The following RAB2A variants were observed in gnomAD, a reference collection of about 807,000 sequenced individuals.
The protein encoded by RAB2A is RAB2A, member RAS oncogene family.
RAB2A carries 7 observed loss-of-function variants against 32.5 expected under a neutral mutation model. The observed-to-expected ratio is 0.22, with a 90% CI of 0.12 to 0.40. The LOEUF (loss-of-function observed/expected upper bound fraction) is 0.40. RAB2A is among the 10% of genes least tolerant of loss of function. The pLI, the probability that RAB2A is intolerant of heterozygous loss-of-function variation, is 1.00. For missense variants in RAB2A, 108 were observed against 260.7 expected, an observed-to-expected ratio of 0.41 and a Z score of 4.03; for synonymous variants, 79 against 85.2, an observed-to-expected ratio of 0.93 and a Z score of 0.40.
intron 6 of RAB2A, among the ~76,000 whole-genome samples, chr8:60,614,904 C>G (rs1052272502): frequency 2.0e-5 from 3 of 152,176 alleles, no homozygotes; most frequent in Non-Finnish European, 4.4e-5. Flanking sequence ...TTTACTGCAA[C>G]AGAGCACCGG....
intron 1 of RAB2A, among the ~76,000 whole-genome samples, chr8:60,546,372 G>A (rs887305204): frequency 2.6e-5 from 4 of 152,200 alleles, no homozygotes; most frequent in East Asian, 1.9e-4. Flanking sequence ...GAGTGTGTTC[G>A]AGGATGGGAG....
Position 60,612,672 on chromosome 8 carries a change from A to T in RAB2A, c.475-5908A>T, listed in dbSNP as rs541776415. Among the ~76,000 whole-genome samples, 38 of 152,328 alleles carry T rather than the reference A, an allele frequency of 2.5e-4. 1 individual carries two copies. The highest frequency in any genetic ancestry group is 4.7e-4 in the Non-Finnish European group (32 of 68,012). ...CTGTAATTATGTGTGGTCTTGGGCA[A>T]GTCGTTTCTCCTTTTGCAGCTCAGT... On this transcript the variant is annotated intron_variant, in intron 6 of 7. Transcript: ENST00000262646.
chr8:60,525,146 C>T, intron 1 of RAB2A, among the ~76,000 whole-genome samples: 1 of 152,122 alleles, frequency 6.6e-6, no homozygotes, highest in East Asian at 1.9e-4. Flanking sequence ...ACTCGAATCT[C>T]ATCTCAAATT....
chr8:60,586,492 A>G (rs1044248509), intron 5 of RAB2A, among the ~76,000 whole-genome samples: 1 of 152,166 alleles, frequency 6.6e-6, no homozygotes, highest in Admixed American at 6.6e-5. Context: ...AATATCAGGA[A>G]AGAAAGGTTG....
intron 5 of RAB2A, among the ~76,000 whole-genome samples, chr8:60,589,349 AAGAAC>A (rs1803898263): frequency 6.6e-6 from 1 of 152,198 alleles, no homozygotes; most frequent in Non-Finnish European, 1.5e-5. Flanking sequence ...ACGAACAAGA[AAGAAC>A]AGAGAGAAAT....
intron 2 of RAB2A, among the ~76,000 whole-genome samples, chr8:60,565,676 A>ATTTTT (rs71252885): frequency 1.0e-5 from 1 of 97,710 alleles, no homozygotes; most frequent in Non-Finnish European, 2.1e-5. Flanking sequence ...TCTGTAGCTG[A>ATTTTT]TTTTTTTTTT....
chr8:60,559,788 T>C (rs868221752), intron 2 of RAB2A, among the ~76,000 whole-genome samples: 16 of 152,368 alleles, frequency 1.1e-4, no homozygotes, highest in African/African-American at 3.4e-4. Flanking sequence ...TGAATCTTTT[T>C]AGCCACTGAC....
chr8:60,552,008 T>TTTTTTTTGTTTTTG (rs1807858719), intron 1 of RAB2A: 2 of 143,000 alleles, frequency 1.4e-5, no homozygotes, highest in Non-Finnish European at 3.0e-5. Flanking sequence ...GGAGTTTTTT[T>TTTTTTTTGTTTTTG]TTTTTTTTTT....
At chr8:60,558,352 T>C (rs1232061578) in intron 1 of RAB2A, 1 of 462,922 alleles carries the variant, frequency 2.2e-6, no homozygotes, top group African/African-American at 2.0e-5. Flanking sequence ...AGTGAAGGAA[T>C]GCAATTCAGA....
intron 6 of RAB2A, among the ~76,000 whole-genome samples, chr8:60,606,538 A>G (rs115417145): frequency 1.5e-3 from 224 of 152,360 alleles, no homozygotes; most frequent in African/African-American, 5.2e-3. Context: ...TTATTTCCAA[A>G]GAGCATAAGA....
At chr8:60,611,667 C>T (rs1035479191) in intron 6 of RAB2A, among the ~76,000 whole-genome samples, 2 of 152,080 alleles carry the variant, frequency 1.3e-5, no homozygotes, top group Admixed American at 1.3e-4. Flanking sequence ...TTTTGTGTTA[C>T]CTCTGACAGA....
intron 1 of RAB2A, among the ~76,000 whole-genome samples, chr8:60,521,139 T>G (rs1807295696): frequency 6.6e-6 from 1 of 152,194 alleles, no homozygotes; most frequent in African/African-American, 2.4e-5. Flanking sequence ...AATTATCTTT[T>G]TAGTTAGGAA....
At chr8:60,558,995 A>G (rs1465332216) in intron 2 of RAB2A, 72 bp downstream of exon 2, 2 of 1,066,314 alleles carry the variant, frequency 1.9e-6, no homozygotes, top group Non-Finnish European at 2.9e-6. Flanking sequence ...TAGAAGGTCC[A>G]TTCTACTAGT....
intron 1 of RAB2A, chr8:60,558,445 T>C (rs765506655): frequency 1.9e-6 from 1 of 514,278 alleles, no homozygotes; most frequent in Non-Finnish European, 3.9e-6. Context: ...CACTTATTGC[T>C]GGCTTATTTG....
intron 1 of RAB2A, among the ~76,000 whole-genome samples, chr8:60,527,923 T>C (rs1464748647): frequency 1.3e-5 from 2 of 152,194 alleles, no homozygotes; most frequent in Non-Finnish European, 2.9e-5. Context: ...CACCATTTTA[T>C]AGGTGAGGAA....
intron 1 of RAB2A, among the ~76,000 whole-genome samples, chr8:60,522,554 T>C (rs750227824): frequency 2.0e-5 from 3 of 152,140 alleles, no homozygotes; most frequent in Non-Finnish European, 4.4e-5. Context: ...TCACACATAG[T>C]ATTGGTGGTT....
At chr8:60,560,713 A>C (rs1211539841) in intron 2 of RAB2A, among the ~76,000 whole-genome samples, 1 of 151,414 alleles carries the variant, frequency 6.6e-6, no homozygotes, top group Admixed American at 6.6e-5. Context: ...TATTTTCTTG[A>C]AACACTATGA....
At chr8:60,581,876 C>T (rs1182661626) in intron 3 of RAB2A, among the ~76,000 whole-genome samples, 5 of 150,946 alleles carry the variant, frequency 3.3e-5, no homozygotes, top group African/African-American at 1.2e-4. Flanking sequence ...TTTTAAAAAA[C>T]AATCAATTTA....
intron 6 of RAB2A, among the ~76,000 whole-genome samples, chr8:60,604,053 T>C (rs1447685566): frequency 2.0e-5 from 3 of 152,174 alleles, no homozygotes; most frequent in Non-Finnish European, 2.9e-5. Context: ...CAGTTTCTTA[T>C]GAGTGGTTTA....
Sources: allele counts gnomAD v4.1 joint callset (sites outside exome capture counted in the v4.1 genomes callset), GRCh38; gene constraint gnomAD v4.1.1; transcripts MANE v1.5; gene names NCBI Gene and HGNC (gene_info 2026-07-23, HGNC 2026-07-21).